TMEM47: variants seen among roughly 807,000 people sequenced by gnomAD.
The protein encoded by TMEM47 is brain cell membrane protein 1.
TMEM47 carries 3 observed loss-of-function variants against 12.4 expected under a neutral mutation model. That is an observed-to-expected ratio of 0.24 (90% CI 0.11 to 0.63). The LOEUF (loss-of-function observed/expected upper bound fraction) is 0.63, where lower values mean the gene tolerates loss of function less well. Among genes scored for constraint, TMEM47 ranks in the 20% least tolerant of loss-of-function variants. The probability of loss-of-function intolerance (pLI) is 0.86; values close to 1 mark genes in which losing one functional copy is unlikely to be tolerated. For synonymous variants in TMEM47, 62 were observed against 63.3 expected, an observed-to-expected ratio of 0.98 and a Z score of 0.10; for missense variants, 89 against 143.8, an observed-to-expected ratio of 0.62 and a Z score of 1.95.
chrX:34,653,505 T>C (rs772005828), intron 1 of TMEM47, among the ~76,000 whole-genome samples: 3 of 111,868 alleles, frequency 2.7e-5, no homozygotes, highest in Non-Finnish European at 5.6e-5. Context: ...TTACATGAAA[T>C]AGCTATGTAT....
At chrX:34,636,795 G>A (rs750135539) in intron 2 of TMEM47, among the ~76,000 whole-genome samples, 3 of 111,411 alleles carry the variant, frequency 2.7e-5, no homozygotes, top group South Asian at 3.9e-4. Flanking sequence ...CCCGAGAAAC[G>A]GAGTAACTGG....
Position 34,627,298 on chromosome X carries a change from C to T in TMEM47, c.*3015G>A, listed in dbSNP as rs997033133. 9.0e-6 allele frequency: 1 copy of T among 111,673 alleles called. No homozygotes were observed. Among genetic ancestry groups the T allele is most frequent in the African/African-American group, 3.3e-5 (1 of 30,665 alleles). The allele number at this position is 111,673 out of a possible 1,213,427, so 9.2% of individuals were successfully genotyped here. A position where few individuals can be genotyped will look rare whatever the true frequency, so the allele number is the denominator to read the frequency against. The stretch of plus-strand genomic sequence containing the variant: ...TTTAAAAATAATAAATATAGAATAG[C>T]AGTACAGAAACTAATAGCATAAACA... On this transcript the variant is annotated 3_prime_UTR_variant, in exon 3 of 3. Transcript: ENST00000275954.
intron 1 of TMEM47, among the ~76,000 whole-genome samples, chrX:34,647,582 A>T (rs1921936501): frequency 9.0e-6 from 1 of 111,607 alleles, no homozygotes; most frequent in African/African-American, 3.3e-5. Flanking sequence ...TTGATGATCT[A>T]CAAGTGTACC....
At chrX:34,632,751 G>A (rs1921648263) in intron 2 of TMEM47, among the ~76,000 whole-genome samples, 1 of 111,308 alleles carries the variant, frequency 9.0e-6, no homozygotes. Context: ...CTCAGCTGAC[G>A]GCATATTGTA....
rs965220010 is a variant in TMEM47, at chrX:34,628,693, C to A, written c.*1620G>T. 4.5e-5 allele frequency: 5 copies of A among 111,166 alleles called. No homozygotes were observed. Among genetic ancestry groups the A allele is most frequent in the African/African-American group, 1.6e-4 (5 of 30,580 alleles). 9.2% of individuals were successfully genotyped at this position (111,166 alleles called of 1,213,427 possible). On this transcript the variant is annotated 3_prime_UTR_variant, in exon 3 of 3. Transcript: ENST00000275954. ...GATTTTGCAATACAGTAACATATAG[C>A]TACTTTTAAAGTAATTTTTCTAATG...
intron 1 of TMEM47, among the ~76,000 whole-genome samples, chrX:34,641,117 T>C (rs1398755042): frequency 1.8e-5 from 2 of 109,098 alleles, no homozygotes; most frequent in African/African-American, 3.3e-5. Context: ...AAAATAGTCC[T>C]TACATTTGAA....
chrX:34,648,172 A>C (rs1205128745), intron 1 of TMEM47, among the ~76,000 whole-genome samples: 4 of 112,097 alleles, frequency 3.6e-5, no homozygotes, highest in Non-Finnish European at 7.5e-5. Flanking sequence ...TTCTTCACAG[A>C]ACTAGAAAAC....
rs1405046333 is a variant in TMEM47, at chrX:34,628,084, A to C, written c.*2229T>G. 8.9e-6 allele frequency: 1 copy of C among 111,933 alleles called. No individual in the cohort carries two copies. Among genetic ancestry groups the C allele is most frequent in the East Asian group, 2.8e-4 (1 of 3,545 alleles). 9.2% of individuals were successfully genotyped at this position (111,933 alleles called of 1,213,427 possible). A position where few individuals can be genotyped will look rare whatever the true frequency, so the allele number is the denominator to read the frequency against. ...ATTGACAGAGAATGAAAACTTGATA[A>C]GACTCGAGATGTGATGATATTGGTT... is the stretch of plus-strand genomic sequence containing the variant. On this transcript the variant is annotated 3_prime_UTR_variant, in exon 3 of 3. Transcript: ENST00000275954.
intron 1 of TMEM47, among the ~76,000 whole-genome samples, chrX:34,653,945 A>G (rs772703381): frequency 9.7e-4 from 108 of 111,176 alleles, no homozygotes; most frequent in African/African-American, 3.4e-3. Context: ...ACTTAAGATG[A>G]GTGCCTCAAC....
chrX:34,652,975 G>C (rs1922042792), intron 1 of TMEM47, among the ~76,000 whole-genome samples: 2 of 112,150 alleles, frequency 1.8e-5, no homozygotes, highest in South Asian at 7.4e-4. Context: ...GTTTCCTAAT[G>C]AAACTGTGTT....
intron 2 of TMEM47, among the ~76,000 whole-genome samples, chrX:34,631,199 A>T (rs1030917303): frequency 9.5e-6 from 1 of 105,335 alleles, no homozygotes; most frequent in African/African-American, 3.4e-5. Context: ...AAAAAAAAAA[A>T]AAAGAATAGT....
In TMEM47 at chrX:34,630,386, C is replaced by A; in HGVS notation, c.473G>T (p.Gly158Val). ...ACCCCCAAACGAAAATATAGTTGCA[C>A]CCCAGGCCAGGCCATAACCCCAGTT... is the stretch of plus-strand genomic sequence containing the variant. ...EFNWGYGLAW[G>V]ATIFSFGGAI... The change falls in exon 3 of 3, where the codon GGT becomes GTT. Residue 158 changes from glycine to valine, a missense_variant. By Grantham distance (109) the Gly-to-Val change is moderately radical (BLOSUM62 -3). Transcript: ENST00000275954. 8.3e-7 allele frequency: 1 copy of A among 1,210,488 alleles called. No individual in the cohort carries two copies. The highest frequency in any genetic ancestry group is 1.1e-6 in the Non-Finnish European group (1 of 894,909).
rs1392901717 is a variant in TMEM47, at chrX:34,656,941, G to T, written c.89C>A (p.Ala30Glu). ...CACCGCCCCCAGGTCCAGACACAGC[G>T]CCAGGAAGATGCACACCAGCCCGAC... Reference protein sequence around the residue: ...KLVGLVCIFLALCLDLGAVLS... With the variant: ...KLVGLVCIFLELCLDLGAVLS... The change falls in exon 1 of 3, where the codon GCG (alanine) becomes GAG (glutamate). Residue 30 changes from alanine (A) to glutamate (E), a missense_variant. Transcript: ENST00000275954. The T allele has an allele frequency of 8.4e-7, 1 of 1,186,325 alleles. No homozygotes were observed. The highest frequency in any genetic ancestry group is 1.1e-6 in the Non-Finnish European group (1 of 883,450).
At chrX:34,646,710 A>G (rs1921917672) in intron 1 of TMEM47, among the ~76,000 whole-genome samples, 1 of 111,347 alleles carries the variant, frequency 9.0e-6, no homozygotes, top group Admixed American at 9.6e-5. Flanking sequence ...CTAAGCAACT[A>G]AAGTTACTGT....
chrX:34,653,171 T>G (rs1306330693), intron 1 of TMEM47, among the ~76,000 whole-genome samples: 1 of 111,681 alleles, frequency 9.0e-6, no homozygotes, highest in East Asian at 2.8e-4. Flanking sequence ...AAAAAAGATC[T>G]ACATATAAAG....
At chrX:34,642,972 G>A (rs768207643) in intron 1 of TMEM47, among the ~76,000 whole-genome samples, 15 of 111,736 alleles carry the variant, frequency 1.3e-4, no homozygotes, top group Non-Finnish European at 2.8e-4. Context: ...AAAGTGGTTC[G>A]ATATGGCTAT....
At chrX:34,637,621 TAC>T (rs1381131845) in intron 2 of TMEM47, among the ~76,000 whole-genome samples, 25 of 111,385 alleles carry the variant, frequency 2.2e-4, no homozygotes, top group Non-Finnish European at 3.8e-4. Flanking sequence ...AACCCTTCAT[TAC>T]AGTTACTTAT....
intron 2 of TMEM47, 71 bp from the exon 3 acceptor site, chrX:34,630,562 T>C (rs1057032678): frequency 5.1e-6 from 5 of 983,554 alleles, no homozygotes; most frequent in Non-Finnish European, 6.7e-6. Flanking sequence ...TATGTAACTA[T>C]ATATGTATGA....
At position 34,639,329 on chromosome X, in the gene TMEM47, T is replaced by G. The variant is rs753636355; in HGVS notation, c.285A>C (p.Ala95=). 1.6e-5 allele frequency: 19 copies of G among 1,207,876 alleles called. No homozygotes were observed. The highest frequency in any genetic ancestry group is 2.0e-5 in the Non-Finnish European group (18 of 893,656). Residue 95 remains alanine, a synonymous_variant, in exon 2 of 3, where the codon GCA becomes GCC. Coordinates refer to ENST00000275954, the MANE Select transcript of TMEM47 (RefSeq NM_031442.4). ...LLGGAAIILI[A]FLVGLISICV... is the part of the protein sequence containing the mutation. Reference sequence around the variant, plus strand: ...AGATAGAAATCAAACCCACCAGGAATGCAATGAGAATGATGGCAGCGCCGC... The same window carrying G: ...AGATAGAAATCAAACCCACCAGGAAGGCAATGAGAATGATGGCAGCGCCGC...
Sources: gnomAD v4.1 joint callset for allele counts (sites outside exome capture counted in the v4.1 genomes callset) on GRCh38, gnomAD v4.1.1 for gene constraint, MANE v1.5 for transcripts, NCBI Gene and HGNC (gene_info 2026-07-23, HGNC 2026-07-21) for gene names.